Variants in TTC6 observed in about 807,000 individuals in gnomAD.
TTC6 encodes the protein tetratricopeptide repeat domain 6, also known as tetratricopeptide repeat protein 6.
In TTC6, 172 loss-of-function variants were observed where a neutral mutation model predicts 210.4. That is an observed-to-expected ratio of 0.82 (90% CI 0.72 to 0.93). The LOEUF (loss-of-function observed/expected upper bound fraction) is 0.93, where lower values mean the gene tolerates loss of function less well. Among genes scored for constraint, TTC6 ranks in the 40% least tolerant of loss-of-function variants. TTC6 has a pLI of 0.00. For synonymous variants in TTC6, 804 were observed against 819.6 expected, an observed-to-expected ratio of 0.98 and a Z score of 0.32; for missense variants, 2,414 against 2,318.1, an observed-to-expected ratio of 1.04 and a Z score of -0.85.
intron 6 of TTC6, among the ~76,000 whole-genome samples, chr14:37,716,720 C>G (rs1424750829): frequency 6.6e-6 from 1 of 152,050 alleles, no homozygotes; most frequent in African/African-American, 2.4e-5. Context: ...ATAGACAATT[C>G]CACAATTATA....
chr14:37,620,218 T>C (rs1396367521), upstream of TTC6, among the ~76,000 whole-genome samples: 1 of 152,164 alleles, frequency 6.6e-6, no homozygotes, highest in African/African-American at 2.4e-5. Flanking sequence ...TATATACATA[T>C]ATATATATTT....
At chr14:37,732,541 ATTATAAGGAAGAGAAAATATAC>A (rs2095889922) in intron 7 of TTC6, among the ~76,000 whole-genome samples, 3 of 151,836 alleles carry the variant, frequency 2.0e-5, no homozygotes, top group Admixed American at 2.0e-4. Context: ...TATTAAGAAG[ATTATAAGGAAGAGAAAATATAC>A]TTACTATTAA....
At chr14:37,813,101 C>G (rs1221449076) in intron 25 of TTC6, among the ~76,000 whole-genome samples, 1 of 151,956 alleles carries the variant, frequency 6.6e-6, no homozygotes, top group Non-Finnish European at 1.5e-5. Flanking sequence ...AACAGTTTTG[C>G]TTCTTTGTTT....
At chr14:37,660,586 C>T (rs77736695) in intron 1 of TTC6, among the ~76,000 whole-genome samples, 8,453 of 152,234 alleles carry the variant, frequency 0.056, 362 homozygotes, top group Non-Finnish European at 0.087. Flanking sequence ...TTATCCAGTC[C>T]ATCACTGATG....
At chr14:37,602,614 C>T (rs1264534670) in intron 1 of TTC6, among the ~76,000 whole-genome samples, 4 of 152,144 alleles carry the variant, frequency 2.6e-5, no homozygotes. Flanking sequence ...CCCCACTGTC[C>T]CACCGGGTGG....
At chr14:37,715,204 TA>T (rs1447068874) in intron 6 of TTC6, among the ~76,000 whole-genome samples, 1 of 152,070 alleles carries the variant, frequency 6.6e-6, no homozygotes, top group African/African-American at 2.4e-5. Context: ...AATAATTTTT[TA>T]TGTGAGTTAT....
intron 1 of TTC6, among the ~76,000 whole-genome samples, chr14:37,646,372 T>G (rs938509128): frequency 6.6e-6 from 1 of 152,120 alleles, no homozygotes; most frequent in South Asian, 2.1e-4. Context: ...TCTCCCATCC[T>G]GAAATCTCAA....
intron 7 of TTC6, among the ~76,000 whole-genome samples, chr14:37,733,931 G>A (rs1188456663): frequency 6.6e-6 from 1 of 151,918 alleles, no homozygotes; most frequent in Admixed American, 6.6e-5. Context: ...ATAATATATT[G>A]TTAAACTTGT....
intron 1 of TTC6, among the ~76,000 whole-genome samples, chr14:37,657,831 T>C (rs991873189): frequency 3.3e-5 from 5 of 152,222 alleles, no homozygotes; most frequent in African/African-American, 1.2e-4. Context: ...CATGTAACTC[T>C]ATTACATAAA....
At chr14:37,693,115 T>C (rs2095807436) in intron 3 of TTC6, among the ~76,000 whole-genome samples, 1 of 152,210 alleles carries the variant, frequency 6.6e-6, no homozygotes, top group South Asian at 2.1e-4. Context: ...TTATTCTTGT[T>C]TGCAGATGGT....
intron 2 of TTC6, among the ~76,000 whole-genome samples, chr14:37,607,680 G>A (rs1343085593): frequency 2.0e-5 from 3 of 146,742 alleles, no homozygotes; most frequent in African/African-American, 5.1e-5. Flanking sequence ...CCAGGCTGGT[G>A]TGCAGTGGGG....
At chr14:37,631,063 C>T (rs2139340672) in intron 1 of TTC6, among the ~76,000 whole-genome samples, 1 of 151,168 alleles carries the variant, frequency 6.6e-6, no homozygotes, top group South Asian at 2.1e-4. Flanking sequence ...ACTTTTTATT[C>T]ACTTTGTCAG....
At chr14:37,731,582 T>G (rs1461623974) in intron 7 of TTC6, among the ~76,000 whole-genome samples, 2 of 152,212 alleles carry the variant, frequency 1.3e-5, no homozygotes, top group African/African-American at 4.8e-5. Flanking sequence ...AATTTTTACT[T>G]TATATATTTT....
At chr14:37,745,037 C>T (rs1397650796) in intron 10 of TTC6, among the ~76,000 whole-genome samples, 5 of 151,932 alleles carry the variant, frequency 3.3e-5, no homozygotes, top group South Asian at 2.1e-4. Flanking sequence ...CATATACACA[C>T]GTACACATAT....
In TTC6 at chr14:37,650,744, G is replaced by C. The variant is rs200002980; in HGVS notation, c.939+27741G>C. On this transcript the variant is annotated intron_variant, in intron 1 of 30. Coordinates refer to ENST00000553443, the Ensembl canonical transcript of TTC6. ...TCTTATAAATTGACTCAGAGATACT[G>C]TAAAAATATATTTTTGCATTTGAAT... 2.0e-4 allele frequency among the ~76,000 whole-genome samples: 31 copies of C among 152,242 alleles called. No individual in the cohort carries two copies. The East Asian group carries it at 6.0e-3, about 29-fold the overall frequency.
intron 1 of TTC6, among the ~76,000 whole-genome samples, chr14:37,660,847 G>A (rs2095735933): frequency 1.3e-5 from 2 of 152,182 alleles, no homozygotes; most frequent in Non-Finnish European, 2.9e-5. Flanking sequence ...GCCAGAATCT[G>A]TTGTTTCTTG....
At chr14:37,687,949 G>A (rs1251756110) in intron 3 of TTC6, among the ~76,000 whole-genome samples, 2 of 152,108 alleles carry the variant, frequency 1.3e-5, no homozygotes, top group Non-Finnish European at 2.9e-5. Flanking sequence ...TGCACCATAG[G>A]AACCAGCTTG....
chr14:37,602,693 T>A (rs990130135), intron 1 of TTC6, among the ~76,000 whole-genome samples: 1 of 152,164 alleles, frequency 6.6e-6, no homozygotes, highest in African/African-American at 2.4e-5. Flanking sequence ...CCAACCTTCC[T>A]GCTTTCAGGT....
At chr14:37,764,130 T>C (rs952147346) in intron 14 of TTC6, among the ~76,000 whole-genome samples, 10 of 152,170 alleles carry the variant, frequency 6.6e-5, no homozygotes, top group African/African-American at 2.2e-4. Flanking sequence ...TCCATTGTAG[T>C]TAGAAAATAT....
Sources: gnomAD v4.1 joint callset for allele counts (sites outside exome capture counted in the v4.1 genomes callset) on GRCh38, gnomAD v4.1.1 for gene constraint, MANE v1.5 for transcripts, NCBI Gene and HGNC (gene_info 2026-07-23, HGNC 2026-07-21) for gene names.